Variants in OSBPL6 observed in about 807,000 individuals in gnomAD.
OSBPL6 encodes the protein oxysterol-binding protein-related protein 6.
OSBPL6 carries 49 observed loss-of-function variants against 125.8 expected under a neutral mutation model. The ratio of observed to expected loss-of-function variants is 0.39; its 90% CI spans 0.31 to 0.49. The LOEUF is 0.49. Ranked by LOEUF, OSBPL6 falls within the 20% of genes least tolerant of loss-of-function variation. The pLI is 0.88. For synonymous variants in OSBPL6, 394 were observed against 391.8 expected (o/e 1.01, Z -0.07); for missense variants, 986 against 1,135.4 (o/e 0.87, Z 1.89).
chr2:178,293,838 A>G (rs1353714319), intron 2 of OSBPL6, among the ~76,000 whole-genome samples: 1 of 152,072 alleles, frequency 6.6e-6, no homozygotes, highest in Non-Finnish European at 1.5e-5. Context: ...GCACAACAGC[A>G]ATTTAATGAA....
At chr2:178,212,216 G>GGGGA (rs2089894960) in intron 1 of OSBPL6, among the ~76,000 whole-genome samples, 1 of 152,156 alleles carries the variant, frequency 6.6e-6, no homozygotes, top group African/African-American at 2.4e-5. Context: ...TCATGCTAAT[G>GGGGA]GGGAGGATTA....
At chr2:178,261,676 A>C (rs2092068644) in intron 1 of OSBPL6, among the ~76,000 whole-genome samples, 1 of 152,266 alleles carries the variant, frequency 6.6e-6, no homozygotes, top group Admixed American at 6.5e-5. Context: ...TGGCTTCTGC[A>C]GTACAGAAAT....
intron 1 of OSBPL6, among the ~76,000 whole-genome samples, chr2:178,225,003 T>TCTCTCTC (rs2090492179): frequency 1.2e-4 from 18 of 148,538 alleles, no homozygotes; most frequent in African/African-American, 4.2e-4. Context: ...CTCTCTCTCT[T>TCTCTCTC]TCTCTCTCTC....
At chr2:178,292,099 C>G (rs918534156) in intron 2 of OSBPL6, among the ~76,000 whole-genome samples, 2 of 152,014 alleles carry the variant, frequency 1.3e-5, no homozygotes, top group Non-Finnish European at 2.9e-5. Flanking sequence ...CCCTCCTCCT[C>G]CCATCCCCCA....
chr2:178,249,432 A>G (rs942307110), intron 1 of OSBPL6, among the ~76,000 whole-genome samples: 3 of 152,052 alleles, frequency 2.0e-5, no homozygotes, highest in Admixed American at 6.6e-5. Context: ...GTTGATTTTC[A>G]CTAGGATTTT....
intron 13 of OSBPL6, among the ~76,000 whole-genome samples, chr2:178,365,288 C>T (rs563770185): frequency 6.6e-6 from 1 of 152,336 alleles, no homozygotes; most frequent in East Asian, 1.9e-4. Context: ...TGCTGCATTT[C>T]AACAAGGCTT....
At chr2:178,321,928 G>A (rs1216170907) in intron 3 of OSBPL6, among the ~76,000 whole-genome samples, 2 of 152,138 alleles carry the variant, frequency 1.3e-5, no homozygotes, top group African/African-American at 4.8e-5. Flanking sequence ...ATGGAGAAGA[G>A]ACTAATATTG....
chr2:178,300,843 A>C (rs1432863932), intron 2 of OSBPL6, among the ~76,000 whole-genome samples: 1 of 152,252 alleles, frequency 6.6e-6, no homozygotes, highest in Non-Finnish European at 1.5e-5. Flanking sequence ...GAACTTTAAA[A>C]GGAGAATTAT....
chr2:178,287,586 A>T (rs1434858184), intron 2 of OSBPL6, among the ~76,000 whole-genome samples: 2 of 152,134 alleles, frequency 1.3e-5, no homozygotes, highest in African/African-American at 4.8e-5. Flanking sequence ...CTGAGTTGTG[A>T]CTTGACTATA....
chr2:178,253,978 C>T (rs1240688528), intron 1 of OSBPL6, among the ~76,000 whole-genome samples: 1 of 152,174 alleles, frequency 6.6e-6, no homozygotes, highest in Non-Finnish European at 1.5e-5. Flanking sequence ...GCACATGCAG[C>T]TCCCTTGCTG....
At position 178,350,525 on chromosome 2, in the gene OSBPL6, A is replaced by G. The variant is rs1200923396; in HGVS notation, c.1153+1136A>G. Among the ~76,000 whole-genome samples the G allele has an allele frequency of 2.0e-5, 3 of 152,292 alleles. No homozygotes were observed. The East Asian group carries it at 5.8e-4, about 29-fold the overall frequency. On this transcript the variant is annotated intron_variant, in intron 12 of 24. Transcript: ENST00000190611. Reference sequence around the variant, plus strand: ...AATCAGCCAACATTTGCAATCTCAAACCATCCGCAAAAATATGCTGTCAGA... The same window carrying G: ...AATCAGCCAACATTTGCAATCTCAAGCCATCCGCAAAAATATGCTGTCAGA...
chr2:178,359,452 A>T (rs1023085589), intron 12 of OSBPL6, among the ~76,000 whole-genome samples: 2 of 152,214 alleles, frequency 1.3e-5, no homozygotes. Context: ...TGTTGTTGGG[A>T]GTGTACGTTG....
At chr2:178,212,336 T>C (rs1372964836) in intron 1 of OSBPL6, among the ~76,000 whole-genome samples, 2 of 152,218 alleles carry the variant, frequency 1.3e-5, no homozygotes, top group Non-Finnish European at 2.9e-5. Context: ...GTGTGATTCT[T>C]TTAGGGGCCA....
At chr2:178,283,199 T>C (rs1250078685) in intron 1 of OSBPL6, among the ~76,000 whole-genome samples, 1 of 152,140 alleles carries the variant, frequency 6.6e-6, no homozygotes, top group African/African-American at 2.4e-5. Context: ...TTTAAAAATG[T>C]TATTTAAAGA....
chr2:178,328,731 G>A (rs879377763), intron 5 of OSBPL6, among the ~76,000 whole-genome samples: 2 of 151,944 alleles, frequency 1.3e-5, no homozygotes, highest in African/African-American at 2.4e-5. Context: ...CAAGTGATCC[G>A]CCCACCTCAG....
intron 3 of OSBPL6, among the ~76,000 whole-genome samples, chr2:178,316,003 C>G (rs1687705358): frequency 6.6e-6 from 1 of 152,166 alleles, no homozygotes; most frequent in Non-Finnish European, 1.5e-5. Context: ...CTCCCTTTGT[C>G]CAGTATCCAC....
At chr2:178,315,009 A>C (rs1687613523) in intron 3 of OSBPL6, among the ~76,000 whole-genome samples, 1 of 152,196 alleles carries the variant, frequency 6.6e-6, no homozygotes, top group African/African-American at 2.4e-5. Flanking sequence ...AATTTTTCAC[A>C]TCCTTGATGG....
At chr2:178,300,831 T>C (rs1686207728) in intron 2 of OSBPL6, among the ~76,000 whole-genome samples, 1 of 152,134 alleles carries the variant, frequency 6.6e-6, no homozygotes, top group African/African-American at 2.4e-5. Context: ...GAAATGGAAA[T>C]AGAACTTTAA....
intron 1 of OSBPL6, among the ~76,000 whole-genome samples, chr2:178,279,331 A>C (rs940972179): frequency 2.6e-5 from 4 of 152,214 alleles, no homozygotes; most frequent in Admixed American, 1.3e-4. Context: ...AGGATTAGTC[A>C]CATAGCTTAA....
Sources: allele counts gnomAD v4.1 joint callset (sites outside exome capture counted in the v4.1 genomes callset), GRCh38; gene constraint gnomAD v4.1.1; transcripts MANE v1.5; gene names NCBI Gene and HGNC (gene_info 2026-07-23, HGNC 2026-07-21).